Variants in MPHOSPH8 observed in about 807,000 individuals in gnomAD.
The protein encoded by MPHOSPH8 is M-phase phosphoprotein 8.
MPHOSPH8 carries 45 observed loss-of-function variants against 87.3 expected under a neutral mutation model. That is an observed-to-expected ratio of 0.52 (90% CI 0.41 to 0.66). MPHOSPH8 has a LOEUF of 0.66. MPHOSPH8 is among the 30% of genes least tolerant of loss of function. The probability of loss-of-function intolerance (pLI) is 0.00; values close to 1 mark genes in which losing one functional copy is unlikely to be tolerated. For synonymous variants in MPHOSPH8, 366 were observed against 376.9 expected, an observed-to-expected ratio of 0.97 and a Z score of 0.33; for missense variants, 883 against 1,020.2, an observed-to-expected ratio of 0.87 and a Z score of 1.83.
chr13:19,639,152 G>A (rs573412114), intron 1 of MPHOSPH8, among the ~76,000 whole-genome samples: 5 of 152,110 alleles, frequency 3.3e-5, no homozygotes, highest in Admixed American at 3.3e-4. Flanking sequence ...TGTGGGAGTG[G>A]TGCTACAGGG....
rs534758745 is a variant in MPHOSPH8 at position 19,669,428 on chromosome 13, C to G, written c.2330-808C>G. Among the ~76,000 whole-genome samples the G allele has an allele frequency of 5.6e-4, 85 of 152,086 alleles. 1 individual carries two copies. The highest frequency in any genetic ancestry group is 5.5e-3 in the Admixed American group (84 of 15,270). On this transcript the variant is annotated intron_variant, in intron 11 of 13. Transcript: ENST00000361479. ...CCAGAGAACGATGCCCTGAGCTGGCCCTGGTGAACCTGAGCCCCCACTGAC... is the reference window on the plus strand; with the variant it reads ...CCAGAGAACGATGCCCTGAGCTGGCGCTGGTGAACCTGAGCCCCCACTGAC...
At chr13:19,635,453 G>A (rs559044481) in intron 1 of MPHOSPH8, among the ~76,000 whole-genome samples, 122 of 152,274 alleles carry the variant, frequency 8.0e-4, no homozygotes, top group Non-Finnish European at 1.2e-3. Flanking sequence ...GCTTGAACCC[G>A]GGAGGCGGAG....
Position 19,650,096 on chromosome 13 carries a change from T to C in MPHOSPH8, c.1412T>C (p.Ile471Thr), listed in dbSNP as rs1270161032. 2 of 1,613,768 alleles carry C rather than the reference T, an allele frequency of 1.2e-6. No individual in the cohort carries two copies. Among genetic ancestry groups the C allele is most frequent in the Admixed American group, 1.7e-5 (1 of 59,940 alleles). Residue 471 changes from isoleucine to threonine, a missense_variant, in exon 5 of 14, where the codon ATA becomes ACA. Ile to Thr is a moderately conservative substitution (Grantham distance 89). Coordinates refer to ENST00000361479, the MANE Select transcript of MPHOSPH8 (RefSeq NM_017520.4). ...VSENNRKREE[I>T]PLDFKTIDDH... Reference sequence around the variant, plus strand: ...GAGAATAATCGGAAAAGGGAAGAAATACCACTGGATTTTAAAACCATAGAC... The same window carrying C: ...GAGAATAATCGGAAAAGGGAAGAAACACCACTGGATTTTAAAACCATAGAC...
chr13:19,636,842 G>C (rs950298292), intron 1 of MPHOSPH8, among the ~76,000 whole-genome samples: 3 of 152,024 alleles, frequency 2.0e-5, no homozygotes. Flanking sequence ...GGTAGAATAG[G>C]GGTCTGCCTT....
chr13:19,664,510 G>C lies in MPHOSPH8; in HGVS notation c.2019+1384G>C, dbSNP rs557147968. 7.5e-4 allele frequency among the ~76,000 whole-genome samples: 114 copies of C among 152,330 alleles called. 1 individual carries two copies. The highest frequency in any genetic ancestry group is 5.0e-3 in the South Asian group (24 of 4,822). On this transcript the variant is annotated intron_variant, in intron 9 of 13. Transcript: ENST00000361479. ...GCTGAAGAAGGGTAGAATCGGATTAGAGGGTTTTCATTTGTGTATTTTAAT... is the reference window on the plus strand; with the variant it reads ...GCTGAAGAAGGGTAGAATCGGATTACAGGGTTTTCATTTGTGTATTTTAAT...
At chr13:19,642,040 GTTTTTTT>G in intron 1 of MPHOSPH8, 68 bp from the exon 2 acceptor site, 6 of 555,298 alleles carry the variant, frequency 1.1e-5, no homozygotes, top group Non-Finnish European at 1.5e-5. Context: ...CTTCTCATCA[GTTTTTTT>G]TTTTTTTTTG....
chr13:19,665,028 G>A (rs1875738652), intron 9 of MPHOSPH8, among the ~76,000 whole-genome samples: 1 of 152,114 alleles, frequency 6.6e-6, no homozygotes, highest in Admixed American at 6.6e-5. Flanking sequence ...AAGGCAGGCG[G>A]GAGTGCCCCA....
intron 1 of MPHOSPH8, among the ~76,000 whole-genome samples, chr13:19,641,437 C>T (rs1049344680): frequency 1.1e-4 from 17 of 151,190 alleles, no homozygotes; most frequent in Non-Finnish European, 2.4e-4. Flanking sequence ...ATTCTCCTGC[C>T]TCAGCCTCCC....
intron 10 of MPHOSPH8, among the ~76,000 whole-genome samples, chr13:19,667,956 T>C (rs548525924): frequency 6.6e-6 from 1 of 152,356 alleles, no homozygotes; most frequent in African/African-American, 2.4e-5. Context: ...GTGCTGCTGA[T>C]GGCTGCAGTC....
Position 19,633,972 on chromosome 13 carries a change from G to A in MPHOSPH8, c.213+11G>A, listed in dbSNP as rs753244241. ...ATGAAGACCGAGGGGGTATGTGGAG[G>A]GGCCCCGGCGCGGGGCTGGGCGGGG... On this transcript the variant is annotated intron_variant, in intron 1 of 13. Coordinates refer to ENST00000361479, the MANE Select transcript of MPHOSPH8 (RefSeq NM_017520.4). 1.2e-6 allele frequency: 2 copies of A among 1,600,734 alleles called. No homozygotes were observed. The highest frequency in any genetic ancestry group is 1.1e-5 in the South Asian group (1 of 88,668).
At chr13:19,652,647 A>C (rs1488458732) in intron 5 of MPHOSPH8, among the ~76,000 whole-genome samples, 1 of 151,866 alleles carries the variant, frequency 6.6e-6, no homozygotes, top group Non-Finnish European at 1.5e-5. Context: ...GGCGGGTCCC[A>C]CCCCCACAGA....
At chr13:19,633,990 G>C (rs746141173) in intron 1 of MPHOSPH8, 29 bp downstream of exon 1, 1 of 1,589,534 alleles carries the variant, frequency 6.3e-7, no homozygotes, top group South Asian at 1.1e-5. Context: ...GCGCGGGGCT[G>C]GGCGGGGAGC....
intron 7 of MPHOSPH8, chr13:19,660,827 T>G (rs1344775124): frequency 1.7e-6 from 1 of 593,702 alleles, no homozygotes; most frequent in Non-Finnish European, 2.1e-6. Context: ...AATGAAATTC[T>G]TATAGTTTTT....
chr13:19,633,809 A>T lies in MPHOSPH8; in HGVS notation c.61A>T (p.Thr21Ser). 6.2e-7 allele frequency: 1 copy of T among 1,609,974 alleles called. No homozygotes were observed. The highest frequency in any genetic ancestry group is 2.2e-5 in the East Asian group (1 of 44,778). The change falls in exon 1 of 14, where the codon ACT (threonine) becomes TCT (serine). Residue 21 changes from threonine to serine, a missense_variant. Around this residue, in one of 3 missense-constraint regions of MPHOSPH8, gnomAD observed 103 missense variants for 96.3 expected, o/e 1.07. Transcript: ENST00000361479. ...AGTCCCTGTGTCAGCTGCCGACAGCACTGAGGAGTTGGCCGAAGTCGAAGA... is the reference window on the plus strand; with the variant it reads ...AGTCCCTGTGTCAGCTGCCGACAGCTCTGAGGAGTTGGCCGAAGTCGAAGA... ...TAVPVSAADS[T>S]EELAEVEEGV... is the part of the protein sequence containing the mutation.
At chr13:19,642,087 A>C in intron 1 of MPHOSPH8, 28 bp from the exon 2 acceptor site, 1 of 1,144,200 alleles carries the variant, frequency 8.7e-7, no homozygotes, top group Non-Finnish European at 1.1e-6. Flanking sequence ...AATCTGCTTT[A>C]TTTGCCTCCT....
At chr13:19,642,076 C>T (rs1874323764) in intron 1 of MPHOSPH8, 39 bp from the exon 2 acceptor site, 2 of 907,016 alleles carry the variant, frequency 2.2e-6, no homozygotes, top group Middle Eastern at 3.9e-4. Context: ...ATCAAGTTAG[C>T]AATCTGCTTT....
At chr13:19,651,555 G>C (rs1469138779) in intron 5 of MPHOSPH8, among the ~76,000 whole-genome samples, 1 of 151,880 alleles carries the variant, frequency 6.6e-6, no homozygotes, top group Non-Finnish European at 1.5e-5. Flanking sequence ...AACTGGCTAG[G>C]CATGGTGGCA....
At chr13:19,671,769 T>C (rs1203986987) in intron 13 of MPHOSPH8, 65 bp from the exon 14 acceptor site, 1 of 1,518,492 alleles carries the variant, frequency 6.6e-7, no homozygotes, top group Non-Finnish European at 9.1e-7. Flanking sequence ...CATTTGTGGG[T>C]TTTTTCTTGT....
chr13:19,660,555 C>T (rs778094504), intron 7 of MPHOSPH8, among the ~76,000 whole-genome samples: 4 of 152,088 alleles, frequency 2.6e-5, no homozygotes, highest in Non-Finnish European at 5.9e-5. Flanking sequence ...TGAGAATTGA[C>T]ATTTACTTTT....
Sources: allele counts gnomAD v4.1 joint callset (sites outside exome capture counted in the v4.1 genomes callset), GRCh38; gene constraint gnomAD v4.1.1; regional missense constraint gnomAD v4.1.1; transcripts MANE v1.5; gene names NCBI Gene and HGNC (gene_info 2026-07-23, HGNC 2026-07-21).